CNTNAP2: variants seen among roughly 807,000 people sequenced by gnomAD.
CNTNAP2 encodes the protein contactin-associated protein-like 2.
A neutral mutation model predicts 155.2 loss-of-function variants in CNTNAP2; 98 were observed. The ratio of observed to expected loss-of-function variants is 0.63; its 90% CI spans 0.54 to 0.75. CNTNAP2 has a LOEUF of 0.75. Among genes scored for constraint, CNTNAP2 ranks in the 30% least tolerant of loss-of-function variants. The pLI, the probability that CNTNAP2 is intolerant of heterozygous loss-of-function variation, is 0.00. For missense variants in CNTNAP2, 1,727 were observed against 1,688.1 expected (o/e 1.02, Z -0.40); for synonymous variants, 651 against 631.2 (o/e 1.03, Z -0.47).
intron 9 of CNTNAP2, among the ~76,000 whole-genome samples, chr7:147,392,043 G>A (rs1796727605): frequency 6.6e-6 from 1 of 151,962 alleles, no homozygotes; most frequent in African/African-American, 2.4e-5. Context: ...AATGTCCTTA[G>A]CTAGATTATA....
At chr7:146,434,070 G>A (rs1796208652) in intron 1 of CNTNAP2, among the ~76,000 whole-genome samples, 2 of 152,248 alleles carry the variant, frequency 1.3e-5, no homozygotes, top group Middle Eastern at 3.4e-3. Flanking sequence ...TAAGGGCAAA[G>A]GGGCATTTAT....
intron 1 of CNTNAP2, among the ~76,000 whole-genome samples, chr7:146,198,580 C>T (rs1487710585): frequency 6.6e-6 from 1 of 152,148 alleles, no homozygotes; most frequent in Non-Finnish European, 1.5e-5. Context: ...TGTTTTCAAA[C>T]CAGTTCAACC....
chr7:148,120,971 A>AG (rs1804583331), intron 16 of CNTNAP2, among the ~76,000 whole-genome samples: 1 of 152,318 alleles, frequency 6.6e-6, no homozygotes, highest in African/African-American at 2.4e-5. Flanking sequence ...AAGAACATGG[A>AG]GAAAAAAATG....
intron 18 of CNTNAP2, among the ~76,000 whole-genome samples, chr7:148,203,721 C>G (rs1198227685): frequency 6.6e-6 from 1 of 151,622 alleles, no homozygotes; most frequent in African/African-American, 2.4e-5. Context: ...CCTGGGTGGC[C>G]CAGCGAGAGT....
At chr7:148,166,930 T>C (rs1805677795) in intron 17 of CNTNAP2, among the ~76,000 whole-genome samples, 1 of 152,206 alleles carries the variant, frequency 6.6e-6, no homozygotes, top group African/African-American at 2.4e-5. Context: ...TTTTACATAA[T>C]ATATAATGAC....
intron 13 of CNTNAP2, among the ~76,000 whole-genome samples, chr7:147,870,902 A>C (rs984322268): frequency 2.6e-5 from 4 of 152,044 alleles, no homozygotes; most frequent in Non-Finnish European, 5.9e-5. Flanking sequence ...ATCCTTTCAG[A>C]GTCCCTCCTA....
At chr7:147,917,194 T>C (rs1800176162) in intron 14 of CNTNAP2, among the ~76,000 whole-genome samples, 1 of 152,234 alleles carries the variant, frequency 6.6e-6, no homozygotes, top group Non-Finnish European at 1.5e-5. Flanking sequence ...CTATTACTTA[T>C]CATTAGGCCC....
At chr7:147,478,955 G>A (rs1470674231) in intron 10 of CNTNAP2, among the ~76,000 whole-genome samples, 8 of 152,168 alleles carry the variant, frequency 5.3e-5, no homozygotes, top group South Asian at 4.1e-4. Context: ...CACAGGCCAC[G>A]TGAAGGAGGC....
intron 3 of CNTNAP2, among the ~76,000 whole-genome samples, chr7:146,874,239 A>T (rs1275994070): frequency 1.3e-5 from 2 of 152,208 alleles, no homozygotes; most frequent in Non-Finnish European, 2.9e-5. Context: ...TTCACCTAGG[A>T]TAGAAAACAA....
Position 146,669,909 on chromosome 7 carries a change from G to A in CNTNAP2, c.98-104362G>A, listed in dbSNP as rs28489107. On this transcript the variant is annotated intron_variant, in intron 1 of 23. Coordinates refer to ENST00000361727, the MANE Select transcript of CNTNAP2 (RefSeq NM_014141.6). ...TTAGATTCTGAGGACAAAAAGCAATGAACACAGCTTTTTAGTAGCTATTTC... is the reference window on the plus strand; with the variant it reads ...TTAGATTCTGAGGACAAAAAGCAATAAACACAGCTTTTTAGTAGCTATTTC... Among the ~76,000 whole-genome samples, 960 of 152,172 alleles carry A rather than the reference G, an allele frequency of 6.3e-3. 9 individuals carry two copies. Among genetic ancestry groups the A allele is most frequent in the African/African-American group, 0.022 (918 of 41,518 alleles).
At chr7:147,019,924 T>TGGC (rs1308784408) in intron 3 of CNTNAP2, among the ~76,000 whole-genome samples, 1 of 152,098 alleles carries the variant, frequency 6.6e-6, no homozygotes, top group Non-Finnish European at 1.5e-5. Flanking sequence ...AGAAATGTCC[T>TGGC]GGCTATAGCA....
At chr7:146,273,509 A>T (rs975933147) in intron 1 of CNTNAP2, among the ~76,000 whole-genome samples, 1 of 152,126 alleles carries the variant, frequency 6.6e-6, no homozygotes, top group Non-Finnish European at 1.5e-5. Context: ...ATACCTAAAG[A>T]AATGGGGGTG....
intron 13 of CNTNAP2, among the ~76,000 whole-genome samples, chr7:147,708,692 G>A (rs900523472): frequency 7.9e-5 from 12 of 152,070 alleles, no homozygotes; most frequent in African/African-American, 2.9e-4. Context: ...CCTCCACTGG[G>A]GAGCCAGCCT....
intron 3 of CNTNAP2, among the ~76,000 whole-genome samples, chr7:146,856,593 G>A (rs911217073): frequency 6.6e-6 from 1 of 152,118 alleles, no homozygotes; most frequent in African/African-American, 2.4e-5. Context: ...TCACTTATTA[G>A]TTGCAAGGGA....
intron 1 of CNTNAP2, among the ~76,000 whole-genome samples, chr7:146,302,494 GTA>G (rs1800628570): frequency 6.6e-6 from 1 of 152,162 alleles, no homozygotes; most frequent in Non-Finnish European, 1.5e-5. Context: ...AATGCCTGAT[GTA>G]TATTAACACA....
intron 12 of CNTNAP2, among the ~76,000 whole-genome samples, chr7:147,601,415 G>A (rs10227269): frequency 0.011 from 1,617 of 152,024 alleles, 39 homozygotes; most frequent in African/African-American, 0.037. Context: ...GGTGCTCAGT[G>A]GGGGAGCTTT....
chr7:147,815,170 T>C (rs1798244953), intron 13 of CNTNAP2, among the ~76,000 whole-genome samples: 1 of 152,206 alleles, frequency 6.6e-6, no homozygotes, highest in African/African-American at 2.4e-5. Flanking sequence ...TAATTAGCTT[T>C]CCTATTGCTT....
intron 2 of CNTNAP2, among the ~76,000 whole-genome samples, chr7:146,788,706 C>T (rs888980666): frequency 2.0e-5 from 3 of 152,130 alleles, no homozygotes; most frequent in Non-Finnish European, 4.4e-5. Context: ...TCTTCTTAAA[C>T]AGCATTAACA....
At chr7:147,420,148 T>C (rs1239382460) in intron 10 of CNTNAP2, among the ~76,000 whole-genome samples, 5 of 152,212 alleles carry the variant, frequency 3.3e-5, no homozygotes, top group Non-Finnish European at 7.3e-5. Context: ...TTGCCAAATG[T>C]ATACTGTTAG....
Sources: allele counts gnomAD v4.1 joint callset (sites outside exome capture counted in the v4.1 genomes callset), GRCh38; gene constraint gnomAD v4.1.1; transcripts MANE v1.5; gene names NCBI Gene and HGNC (gene_info 2026-07-23, HGNC 2026-07-21).